The following NEK7 variants were observed in gnomAD, a reference collection of about 807,000 sequenced individuals.
NEK7 encodes serine/threonine-protein kinase Nek7.
In NEK7, 18 loss-of-function variants were observed where a neutral mutation model predicts 44.6. The ratio of observed to expected loss-of-function variants is 0.40; its 90% CI spans 0.28 to 0.60. The LOEUF is 0.60. Among genes scored for constraint, NEK7 ranks in the 20% least tolerant of loss-of-function variants. The probability of loss-of-function intolerance (pLI) is 0.38; values close to 1 mark genes in which losing one functional copy is unlikely to be tolerated. For missense variants in NEK7, 256 were observed against 366.5 expected, an observed-to-expected ratio of 0.70 and a Z score of 2.46; for synonymous variants, 130 against 121.1, an observed-to-expected ratio of 1.07 and a Z score of -0.48.
chr1:198,315,116 A>T (rs1405415110), intron 9 of NEK7, among the ~76,000 whole-genome samples: 2 of 152,200 alleles, frequency 1.3e-5, no homozygotes, highest in African/African-American at 4.8e-5. Context: ...TCCGAGCCAG[A>T]TGCGGGATAT....
At chr1:198,182,789 A>G (rs1025833869) in intron 1 of NEK7, among the ~76,000 whole-genome samples, 5 of 151,706 alleles carry the variant, frequency 3.3e-5, no homozygotes, top group Non-Finnish European at 7.4e-5. Flanking sequence ...TTATTATGGG[A>G]AAAAAAACTG....
chr1:198,205,144 A>C (rs1417433978), intron 1 of NEK7, among the ~76,000 whole-genome samples: 1 of 152,188 alleles, frequency 6.6e-6, no homozygotes, highest in Non-Finnish European at 1.5e-5. Context: ...TCAGAAAGGC[A>C]CTGAGCATGA....
chr1:198,293,024 C>G lies in NEK7; in HGVS notation c.669C>G (p.Gly223=). The G allele has an allele frequency of 1.3e-6, 2 of 1,555,506 alleles. No individual in the cohort carries two copies. The highest frequency in any genetic ancestry group is 8.9e-7 in the Non-Finnish European group (1 of 1,127,192). The change falls in exon 8 of 10, where the codon GGC becomes GGG. Residue 223 remains glycine, a synonymous_variant. Transcript: ENST00000367385. ...TCAAATCTGACATCTGGTCTCTTGG[C>G]TGTCTACTATATGAGGTAGGTAATG... is the stretch of plus-strand genomic sequence containing the variant. ...YNFKSDIWSL[G]CLLYEMAALQ... is the part of the protein sequence containing the mutation.
At chr1:198,279,284 A>ACC in intron 7 of NEK7, among the ~76,000 whole-genome samples, 1 of 151,940 alleles carries the variant, frequency 6.6e-6, no homozygotes, top group Non-Finnish European at 1.5e-5. Flanking sequence ...ACTGAGTTAA[A>ACC]AAAAAAAATG....
At chr1:198,186,960 G>A (rs182714964) in intron 1 of NEK7, among the ~76,000 whole-genome samples, 1 of 152,126 alleles carries the variant, frequency 6.6e-6, no homozygotes, top group Non-Finnish European at 1.5e-5. Flanking sequence ...ACATATCTTG[G>A]TCAGCCAGCA....
intron 3 of NEK7, among the ~76,000 whole-genome samples, chr1:198,255,226 ACT>A (rs1481877393): frequency 6.6e-6 from 1 of 152,128 alleles, no homozygotes; most frequent in Non-Finnish European, 1.5e-5. Flanking sequence ...TGCATTGTGG[ACT>A]CTCAAGTAGA....
At chr1:198,205,037 G>A (rs778298741) in intron 1 of NEK7, among the ~76,000 whole-genome samples, 3 of 151,962 alleles carry the variant, frequency 2.0e-5, no homozygotes, top group African/African-American at 7.3e-5. Context: ...GCTGCTCCCC[G>A]TCCCCCCTTC....
chr1:198,188,806 A>C (rs919113559), intron 1 of NEK7, among the ~76,000 whole-genome samples: 2 of 152,160 alleles, frequency 1.3e-5, no homozygotes, highest in African/African-American at 4.8e-5. Context: ...TGTATAATTT[A>C]TGTCGCGAAG....
rs550813496 is a variant in NEK7, at chr1:198,232,439, A to T, written c.-28-114A>T. 83 of 569,074 alleles carry T rather than the reference A, an allele frequency of 1.5e-4. No individual in the cohort carries two copies. The African/African-American group carries it at 1.6e-3, about 11-fold the overall frequency. 35.3% of individuals were successfully genotyped at this position (569,074 alleles called of 1,614,324 possible). ...AAAAGAGTGTGGTATATCTCAGTGA[A>T]TTTTTGAAGCATCAAGTAAATCTCT... On this transcript the variant is annotated intron_variant, in intron 1 of 9. Transcript: ENST00000367385.
intron 1 of NEK7, among the ~76,000 whole-genome samples, chr1:198,185,103 C>T (rs553520219): frequency 6.6e-6 from 1 of 151,304 alleles, no homozygotes; most frequent in South Asian, 2.1e-4. Flanking sequence ...TACAAGCAAG[C>T]ATCGAATATA....
At chr1:198,248,100 C>T (rs73080734) in intron 2 of NEK7, among the ~76,000 whole-genome samples, 3,978 of 152,114 alleles carry the variant, frequency 0.026, 173 homozygotes, top group African/African-American at 0.09. Flanking sequence ...GTAAAAGGCA[C>T]GGAAGAGTGT....
rs749560399 is a variant in NEK7 at position 198,232,557 on chromosome 1, C to A, written c.-24C>A. The A allele has an allele frequency of 1.0e-5, 16 of 1,536,062 alleles. No individual in the cohort carries two copies. Among genetic ancestry groups the A allele is most frequent in the Admixed American group, 1.0e-4 (6 of 59,554 alleles). On this transcript the variant is annotated 5_prime_UTR_variant, in exon 2 of 10. Transcript: ENST00000367385. ...TTCAACTTTACATTTTTGCAGAGTTCTAAAGTTCCTGTTGCTTCAGACAAT... is the reference window on the plus strand; with the variant it reads ...TTCAACTTTACATTTTTGCAGAGTTATAAAGTTCCTGTTGCTTCAGACAAT...
rs556518972 is a variant in NEK7, at chr1:198,271,025, G to T, written c.372+6790G>T. ...CTTCCCTCCTGGTTGTCAACTGGGG[G>T]TATCCTTAGGTTCTTGAGGCTGCTG... On this transcript the variant is annotated intron_variant, in intron 5 of 9. Coordinates refer to ENST00000367385, the MANE Select transcript of NEK7 (RefSeq NM_133494.3). Among the ~76,000 whole-genome samples the T allele has an allele frequency of 6.6e-5, 10 of 152,032 alleles. No homozygotes were observed. In the South Asian group the frequency reaches 1.5e-3, roughly 22 times the overall value.
intron 8 of NEK7, among the ~76,000 whole-genome samples, chr1:198,295,095 A>T (rs1037217310): frequency 6.6e-6 from 1 of 152,124 alleles, no homozygotes; most frequent in Non-Finnish European, 1.5e-5. Context: ...CTCAAAAAAA[A>T]AAAAAAACTA....
chr1:198,318,427 A>G (rs1320417406), intron 9 of NEK7, among the ~76,000 whole-genome samples: 1 of 152,180 alleles, frequency 6.6e-6, no homozygotes, highest in East Asian at 1.9e-4. Context: ...CTTTTTAATC[A>G]TCACTTGTAT....
intron 1 of NEK7, chr1:198,197,916 C>G: frequency 7.4e-7 from 1 of 1,359,170 alleles, no homozygotes; most frequent in South Asian, 1.2e-5. Flanking sequence ...ATGCCAGGAG[C>G]CAAGGGATTC....
chr1:198,241,237 G>T (rs980005372), intron 2 of NEK7, among the ~76,000 whole-genome samples: 1 of 152,112 alleles, frequency 6.6e-6, no homozygotes, highest in African/African-American at 2.4e-5. Context: ...TGAATATTAC[G>T]ATCTTGTCAT....
intron 5 of NEK7, among the ~76,000 whole-genome samples, chr1:198,276,504 C>A (rs1443818729): frequency 6.6e-6 from 1 of 151,472 alleles, no homozygotes; most frequent in East Asian, 1.9e-4. Context: ...TAGCATTGCC[C>A]CCTTTGAATG....
intron 3 of NEK7, chr1:198,256,231 T>C (rs1377393263): frequency 5.5e-5 from 76 of 1,372,634 alleles, no homozygotes; most frequent in Non-Finnish European, 7.1e-5. Flanking sequence ...CTCAGCTTAG[T>C]TTTTAAGGCC....
Sources: gnomAD v4.1 joint callset for allele counts (sites outside exome capture counted in the v4.1 genomes callset) on GRCh38, gnomAD v4.1.1 for gene constraint, MANE v1.5 for transcripts, NCBI Gene and HGNC (gene_info 2026-07-23, HGNC 2026-07-21) for gene names.